The following DNHD1 variants were observed in gnomAD, a reference collection of about 807,000 sequenced individuals.
DNHD1 encodes dynein heavy chain domain-containing protein 1.
In DNHD1, 383 loss-of-function variants were observed where a neutral mutation model predicts 458.1. The observed-to-expected ratio is 0.84, with a 90% CI of 0.77 to 0.91. The LOEUF (loss-of-function observed/expected upper bound fraction) is 0.91. DNHD1 is among the 40% of genes least tolerant of loss of function. The probability of loss-of-function intolerance (pLI) is 0.00; values close to 1 mark genes in which losing one functional copy is unlikely to be tolerated. For synonymous variants in DNHD1, 2,203 were observed against 2,376.9 expected (o/e 0.93, Z 2.13); for missense variants, 5,336 against 5,866.1 (o/e 0.91, Z 2.95).
At chr11:6,544,332 T>C in intron 19 of DNHD1, 86 bp downstream of exon 19, 3 of 1,470,538 alleles carry the variant, frequency 2.0e-6, no homozygotes, top group Middle Eastern at 1.9e-4. Context: ...GGAGGTTGGG[T>C]GGGAGAAGAT....
At chr11:6,568,373 C>A (rs1477860295) in intron 37 of DNHD1, 81 bp from the exon 38 acceptor site, 23 of 1,591,574 alleles carry the variant, frequency 1.4e-5, no homozygotes, top group Non-Finnish European at 1.8e-5. Context: ...ACTCCTGACA[C>A]CCCTAGCCTC....
chr11:6,549,415 A>G (rs1853289525), intron 24 of DNHD1, among the ~76,000 whole-genome samples: 1 of 152,072 alleles, frequency 6.6e-6, no homozygotes, highest in East Asian at 1.9e-4. Flanking sequence ...ACTTATTTCC[A>G]TGGTTCAGAT....
At chr11:6,570,170 T>A in intron 40 of DNHD1, 70 bp downstream of exon 40, 1 of 1,599,784 alleles carries the variant, frequency 6.3e-7, no homozygotes, top group Non-Finnish European at 8.6e-7. Flanking sequence ...GGGGGTGGGA[T>A]ACAATTCACA....
chr11:6,571,221 C>T lies in DNHD1; in HGVS notation c.13709C>T (p.Ala4570Val). The T allele has an allele frequency of 3.7e-6, 6 of 1,610,500 alleles. No homozygotes were observed. Among genetic ancestry groups the T allele is most frequent in the Non-Finnish European group, 4.2e-6 (5 of 1,178,442 alleles). ...QLLVRYLGVGADASSDVPERV... is the reference protein window; with the variant it reads ...QLLVRYLGVGVDASSDVPERV... ...TTGGTTCGTTACTTGGGCGTGGGCG[C>T]GGACGCGAGCAGTGATGTACCAGAG... Residue 4570 changes from alanine to valine, a missense_variant, in exon 42 of 43, where the codon GCG (alanine) becomes GTG (valine). This residue lies in a region of DNHD1 where 698 missense variants were observed against 664.9 expected (regional missense o/e 1.05). Transcript: ENST00000254579. The surrounding 1 kb of genome is among the most constrained non-coding windows in gnomAD (Gnocchi z 5.0).
intron 4 of DNHD1, 162 bp downstream of exon 4, chr11:6,503,088 T>A (rs558477411): frequency 5.6e-6 from 4 of 710,482 alleles, no homozygotes; most frequent in Non-Finnish European, 8.8e-6. Flanking sequence ...CTCCTCAGCC[T>A]CCTCCTCCTT....
rs1006056862 is a variant in DNHD1 at position 6,557,095 on chromosome 11, C to G, written c.7800C>G (p.Ser2600Arg). The G allele has an allele frequency of 1.3e-6, 2 of 1,551,638 alleles. No individual in the cohort carries two copies. The highest frequency in any genetic ancestry group is 2.7e-5 in the African/African-American group (2 of 73,066). ...SLHSVSHLLSSLQLLPNRTGS... is the reference protein window; with the variant it reads ...SLHSVSHLLSRLQLLPNRTGS... ...ACTCTGTGAGCCACCTACTGAGCAG[C>G]CTGCAGCTGCTGCCCAACAGAACAG... The change falls in exon 25 of 43, where the codon AGC becomes AGG. Residue 2600 changes from serine to arginine, a missense_variant. Transcript: ENST00000254579.
Position 6,567,257 on chromosome 11 carries a change from C to T in DNHD1, c.11748C>T (p.Arg3916=). ...HLLQLRAHLT[R]QLLGSTVTAL... ...TGCAATTGAGAGCACACCTGACCCG[C>T]CAGCTGCTGGGCAGCACCGTGACTG... Residue 3916 remains arginine, a synonymous_variant, in exon 36 of 43, where the codon CGC becomes CGT. Transcript: ENST00000254579. The T allele has an allele frequency of 6.2e-7, 1 of 1,614,058 alleles. No individual in the cohort carries two copies. The highest frequency in any genetic ancestry group is 8.5e-7 in the Non-Finnish European group (1 of 1,179,912).
At chr11:6,560,967 C>T (rs1170255401) in intron 28 of DNHD1, among the ~76,000 whole-genome samples, 1 of 152,186 alleles carries the variant, frequency 6.6e-6, no homozygotes, top group Non-Finnish European at 1.5e-5. Flanking sequence ...TCCTTGCCCA[C>T]ACCTTTCTGA....
At position 6,547,306 on chromosome 11, in the gene DNHD1, T is replaced by C. The variant is rs1477090630; in HGVS notation, c.6367T>C (p.Phe2123Leu). The part of the protein sequence containing the change: ...GQQIARPPGT[F>L]LLMEVADTTG... ...GCAGATAGCACGACCCCCAGGCACCTTTCTCTTGATGGAGGTGGCTGACAC... is the reference window on the plus strand; with the variant it reads ...GCAGATAGCACGACCCCCAGGCACCCTTCTCTTGATGGAGGTGGCTGACAC... Residue 2123 changes from phenylalanine to leucine, a missense_variant, in exon 21 of 43, where the codon TTT (phenylalanine) becomes CTT (leucine). Phe to Leu is a conservative substitution (Grantham distance 22, BLOSUM62 0). Around this residue, in one of 4 missense-constraint regions of DNHD1, gnomAD observed 3,932 missense variants for 4,365.6 expected, o/e 0.90. Transcript: ENST00000254579. 1.7e-5 allele frequency: 26 copies of C among 1,551,796 alleles called. No homozygotes were observed. The highest frequency in any genetic ancestry group is 7.3e-5 in the East Asian group (3 of 40,922).
chr11:6,558,322 A>C (rs776383232), intron 25 of DNHD1, 25 bp downstream of exon 25: 1 of 1,545,784 alleles, frequency 6.5e-7, no homozygotes, highest in South Asian at 1.2e-5. Context: ...CCCATATGCG[A>C]ATCTGCTCTG....
chr11:6,538,335 T>G (rs988576201), intron 14 of DNHD1, 48 bp from the exon 15 acceptor site: 3 of 1,535,546 alleles, frequency 2.0e-6, no homozygotes, highest in Non-Finnish European at 1.8e-6. Context: ...ACCACCCCCC[T>G]CCCAACACTG....
Position 6,563,490 on chromosome 11 carries a change from A to G in DNHD1, c.9778A>G (p.Met3260Val). The change falls in exon 30 of 43, where the codon ATG becomes GTG. Residue 3260 changes from methionine to valine, a missense_variant. This residue lies in a region of DNHD1 where 3,932 missense variants were observed against 4,365.6 expected (regional missense o/e 0.90). Coordinates refer to ENST00000254579, the MANE Select transcript of DNHD1 (RefSeq NM_144666.3). ...ATCTGTGGTCCGGGTAACTGATGCA[A>G]TGTGTGACTTGTTCCACCATGAAAC... ...PESVVRVTDA[M>V]CDLFHHETGW... 1 of 1,551,668 alleles carries G rather than the reference A, an allele frequency of 6.4e-7. No individual in the cohort carries two copies. Among genetic ancestry groups the G allele is most frequent in the Non-Finnish European group, 8.7e-7 (1 of 1,146,974 alleles).
intron 18 of DNHD1, 130 bp downstream of exon 18, chr11:6,540,213 T>G: frequency 1.3e-6 from 1 of 767,488 alleles, no homozygotes; most frequent in East Asian, 2.7e-5. Flanking sequence ...GCCTAAGACA[T>G]TAGTCTGTTC....
intron 3 of DNHD1, among the ~76,000 whole-genome samples, chr11:6,500,961 A>G (rs540805110): frequency 2.6e-5 from 4 of 152,100 alleles, no homozygotes; most frequent in Admixed American, 2.6e-4. Flanking sequence ...GGTGGGAGAG[A>G]GAGAGAGAGG....
rs1381422655 is a variant in DNHD1, at chr11:6,556,858, C to T, written c.7563C>T (p.Leu2521=). 1 of 1,551,694 alleles carries T rather than the reference C, an allele frequency of 6.4e-7. No homozygotes were observed. The highest frequency in any genetic ancestry group is 2.0e-5 in the Admixed American group (1 of 51,006). ...CACTGTGTCCACGCCTCTTTCGACT[C>T]TTCACAGTCCTGGCCCTGGAAAGCA... ...ERPLCPRLFR[L]FTVLALESMT... Residue 2521 remains leucine (L), a synonymous_variant, in exon 25 of 43, where the codon CTC becomes CTT. Transcript: ENST00000254579.
intron 7 of DNHD1, among the ~76,000 whole-genome samples, chr11:6,512,375 C>T (rs557012864): frequency 3.3e-5 from 5 of 151,514 alleles, no homozygotes; most frequent in South Asian, 2.1e-4. Context: ...CACCCACCAC[C>T]ATGCCCGGCT....
chr11:6,521,404 A>T (rs964919424), intron 10 of DNHD1, among the ~76,000 whole-genome samples: 12 of 152,192 alleles, frequency 7.9e-5, no homozygotes, highest in African/African-American at 2.9e-4. Context: ...TTGCATTTTT[A>T]TTCTAAATTC....
rs761422632 is a variant in DNHD1, at chr11:6,566,930, G to C, written c.11421G>C (p.Pro3807=). The C allele has an allele frequency of 1.9e-6, 3 of 1,613,628 alleles. No homozygotes were observed. The highest frequency in any genetic ancestry group is 2.5e-6 in the Non-Finnish European group (3 of 1,179,676). ...TGACGATGCTGCTGTTCCAGAATCCGAAGCGTCAGAAGCCAGCCAAGTTTC... is the reference window on the plus strand; with the variant it reads ...TGACGATGCTGCTGTTCCAGAATCCCAAGCGTCAGAAGCCAGCCAAGTTTC... ...RLLTMLLFQN[P]KRQKPAKFLR... The change falls in exon 36 of 43, where the codon CCG becomes CCC. Residue 3807 remains proline (P), a synonymous_variant. Transcript: ENST00000254579.
chr11:6,557,796 C>T lies in DNHD1; in HGVS notation c.8501C>T (p.Pro2834Leu), dbSNP rs1853500124. 1.3e-6 allele frequency: 2 copies of T among 1,551,382 alleles called. No homozygotes were observed. The highest frequency in any genetic ancestry group is 8.7e-7 in the Non-Finnish European group (1 of 1,146,992). ...ELILGPNSET[P>L]NLYLERQWEK... is the part of the protein sequence containing the mutation. ...ATACTGGGGCCTAACTCTGAGACCC[C>T]CAACTTGTACCTGGAACGACAGTGG... is the stretch of plus-strand genomic sequence containing the variant. The change falls in exon 25 of 43, where the codon CCC becomes CTC. Residue 2834 changes from proline (P) to leucine (L), a missense_variant. By Grantham distance (98) the Pro-to-Leu change is moderately conservative. Coordinates refer to ENST00000254579, the MANE Select transcript of DNHD1 (RefSeq NM_144666.3).
Sources: gnomAD v4.1 joint callset for allele counts (sites outside exome capture counted in the v4.1 genomes callset) on GRCh38, gnomAD v4.1.1 for gene constraint, gnomAD v4.1.1 regional missense constraint, Gnocchi (gnomAD v3.1) non-coding constraint, MANE v1.5 for transcripts, NCBI Gene and HGNC (gene_info 2026-07-23, HGNC 2026-07-21) for gene names.